Variants in ATP10B observed in about 807,000 individuals in gnomAD.
The protein encoded by ATP10B is ATPase phospholipid transporting 10B (putative), also known as phospholipid-transporting ATPase VB.
Under a neutral mutation model 141.2 loss-of-function variants are expected in ATP10B, and 122 were observed. That is an observed-to-expected ratio of 0.86 (90% CI 0.75 to 1.00). The LOEUF (loss-of-function observed/expected upper bound fraction) is 1.00, where lower values mean the gene tolerates loss of function less well. Ranked by LOEUF, ATP10B falls within the 50% of genes least tolerant of loss-of-function variation. The pLI, the probability that ATP10B is intolerant of heterozygous loss-of-function variation, is 0.00. For synonymous variants in ATP10B, 685 were observed against 692.0 expected, an observed-to-expected ratio of 0.99 and a Z score of 0.16; for missense variants, 1,876 against 1,825.3, an observed-to-expected ratio of 1.03 and a Z score of -0.51.
intron 1 of ATP10B, among the ~76,000 whole-genome samples, chr5:160,810,881 C>T (rs902427560): frequency 1.3e-5 from 2 of 152,080 alleles, no homozygotes; most frequent in Non-Finnish European, 2.9e-5. Context: ...CAGTTACAAA[C>T]TTTATCCTAT....
chr5:160,652,961 ACATGTAT>A (rs1463276913), intron 7 of ATP10B, among the ~76,000 whole-genome samples: 3 of 81,162 alleles, frequency 3.7e-5, no homozygotes. Flanking sequence ...TATTATATAT[ACATGTAT>A]ATATAATATA....
chr5:160,651,211 A>T (rs1481239523), intron 7 of ATP10B, among the ~76,000 whole-genome samples: 1 of 152,066 alleles, frequency 6.6e-6, no homozygotes, highest in Non-Finnish European at 1.5e-5. Flanking sequence ...ACCTATTTAA[A>T]TCTCATGGGC....
chr5:160,674,325 T>C (rs937938678), intron 6 of ATP10B, among the ~76,000 whole-genome samples: 25 of 152,230 alleles, frequency 1.6e-4, no homozygotes, highest in African/African-American at 6.0e-4. Context: ...ATGTGGATTA[T>C]AAAGGTGCTG....
At chr5:160,797,935 G>T (rs950684527) in intron 1 of ATP10B, among the ~76,000 whole-genome samples, 1 of 75,356 alleles carries the variant, frequency 1.3e-5, no homozygotes, top group African/African-American at 5.0e-5. Context: ...GCAAAGAAAA[G>T]AAAAGAAAAA....
intron 2 of ATP10B, among the ~76,000 whole-genome samples, chr5:160,735,152 C>A (rs537451584): frequency 3.4e-4 from 50 of 148,252 alleles, no homozygotes; most frequent in Admixed American, 1.3e-3. Context: ...TAAGTCCTTA[C>A]TTATCAAGAA....
At chr5:160,821,169 C>T (rs1774072667) in intron 1 of ATP10B, among the ~76,000 whole-genome samples, 2 of 152,034 alleles carry the variant, frequency 1.3e-5, no homozygotes, top group African/African-American at 4.8e-5. Flanking sequence ...AGTAAAGATG[C>T]AGGATACAAA....
At chr5:160,921,343 CT>C in the ATP10B span, among the ~76,000 whole-genome samples, 4 of 150,658 alleles carry the variant, frequency 2.7e-5, no homozygotes, top group African/African-American at 9.8e-5. Flanking sequence ...CTGCCTCATT[CT>C]TTTTTATTGT....
At chr5:160,825,146 G>A (rs1774484095) in intron 1 of ATP10B, among the ~76,000 whole-genome samples, 2 of 152,140 alleles carry the variant, frequency 1.3e-5, no homozygotes, top group Non-Finnish European at 2.9e-5. Flanking sequence ...TGAGGTCAGA[G>A]ACTGTCCTAC....
intron 7 of ATP10B, among the ~76,000 whole-genome samples, chr5:160,652,927 T>TA (rs1760951317): frequency 1.2e-5 from 1 of 82,034 alleles, no homozygotes. Flanking sequence ...ATATAATATA[T>TA]TATATATACA....
intron 6 of ATP10B, among the ~76,000 whole-genome samples, chr5:160,677,430 C>G (rs1275684875): frequency 6.6e-6 from 1 of 152,184 alleles, no homozygotes; most frequent in Non-Finnish European, 1.5e-5. Context: ...GCCAACTGCA[C>G]TTTTCATAGC....
Position 160,573,260 on chromosome 5 carries a change from G to C in ATP10B, c.3751-3577C>G, listed in dbSNP as rs146011690. 1.2e-3 allele frequency among the ~76,000 whole-genome samples: 188 copies of C among 152,300 alleles called. 3 individuals carry two copies. The East Asian group carries it at 0.026, about 21-fold the overall frequency. On this transcript the variant is annotated intron_variant, in intron 24 of 25. Transcript: ENST00000327245. The stretch of plus-strand genomic sequence containing the variant: ...GTGATAATATAGCTGGAAGGCAGCT[G>C]TCCAGGAAGGAAGAGGGCCTGAACC...
At chr5:160,672,635 T>C (rs1460760345) in intron 6 of ATP10B, among the ~76,000 whole-genome samples, 1 of 152,260 alleles carries the variant, frequency 6.6e-6, no homozygotes, top group Non-Finnish European at 1.5e-5. Flanking sequence ...TGGGTGCCTC[T>C]GAAGGCAGCC....
At chr5:160,823,448 C>G (rs1294613308) in intron 1 of ATP10B, among the ~76,000 whole-genome samples, 1 of 152,000 alleles carries the variant, frequency 6.6e-6, no homozygotes, top group Non-Finnish European at 1.5e-5. Context: ...AGACTTAATA[C>G]CTAGGTGATG....
intron 12 of ATP10B, 150 bp downstream of exon 12, chr5:160,634,204 A>G: frequency 9.4e-7 from 1 of 1,062,450 alleles, no homozygotes; most frequent in Non-Finnish European, 1.5e-6. Context: ...ATCTGTGACA[A>G]GGAAGACCAC....
At chr5:160,925,213 C>T in the ATP10B span, among the ~76,000 whole-genome samples, 3 of 152,158 alleles carry the variant, frequency 2.0e-5, no homozygotes, top group Non-Finnish European at 4.4e-5. Flanking sequence ...GGCCATGTGG[C>T]CTGCCTATTA....
chr5:160,569,687 T>A lies in ATP10B; in HGVS notation c.3751-4A>T, dbSNP rs768288093. 7 of 1,551,164 alleles carry A rather than the reference T, an allele frequency of 4.5e-6. No homozygotes were observed. Among genetic ancestry groups the A allele is most frequent in the Non-Finnish European group, 5.2e-6 (6 of 1,151,042 alleles). The stretch of plus-strand genomic sequence containing the variant: ...GCACGACTCCGTGGAAAATGGTCTG[T>A]GGAGGGAAATAAGCAAACACTGTTG... On this transcript the variant is annotated splice_polypyrimidine_tract_variant and splice_region_variant and intron_variant, in intron 24 of 25. Transcript: ENST00000327245.
At chr5:160,633,885 T>A in intron 12 of ATP10B, 3 of 293,984 alleles carry the variant, frequency 1.0e-5, no homozygotes, top group Non-Finnish European at 2.0e-5. Context: ...AAACTTTGCC[T>A]CAGTGACAAG....
At position 160,846,486 on chromosome 5, in the gene ATP10B, G is replaced by A. The variant is rs115996031; in HGVS notation, c.-576+5455C>T. On this transcript the variant is annotated intron_variant, in intron 1 of 25. Coordinates refer to ENST00000327245, the MANE Select transcript of ATP10B (RefSeq NM_025153.3). ...ATTATTTTACAAATGGGAGAATTAA[G>A]ACCTAGAGTTCACCCAGCTTCTGAT... is the stretch of plus-strand genomic sequence containing the variant. 8.0e-3 allele frequency among the ~76,000 whole-genome samples: 1,218 copies of A among 152,234 alleles called. 8 individuals carry two copies. The highest frequency in any genetic ancestry group is 0.014 in the Non-Finnish European group (943 of 68,000).
intron 2 of ATP10B, among the ~76,000 whole-genome samples, chr5:160,784,161 C>T (rs1387830903): frequency 6.6e-6 from 1 of 152,072 alleles, no homozygotes; most frequent in East Asian, 1.9e-4. Flanking sequence ...TGGATTATTT[C>T]CTATAAATGA....
Sources: allele counts gnomAD v4.1 joint callset (sites outside exome capture counted in the v4.1 genomes callset), GRCh38; gene constraint gnomAD v4.1.1; transcripts MANE v1.5; gene names NCBI Gene and HGNC (gene_info 2026-07-23, HGNC 2026-07-21).